MSN: variants seen among roughly 807,000 people sequenced by gnomAD.
MSN encodes moesin.
A neutral mutation model predicts 48.0 loss-of-function variants in MSN; 2 were observed. The observed-to-expected ratio is 0.04, with a 90% CI of 0.02 to 0.13. The LOEUF (loss-of-function observed/expected upper bound fraction) is 0.13, where lower values mean the gene tolerates loss of function less well. Ranked by LOEUF, MSN falls within the 10% of genes least tolerant of loss-of-function variation. MSN has a pLI of 1.00. For synonymous variants in MSN, 146 were observed against 166.9 expected, an observed-to-expected ratio of 0.87 and a Z score of 0.97; for missense variants, 267 against 470.1, an observed-to-expected ratio of 0.57 and a Z score of 3.99.
At chrX:65,621,265 C>T (rs1453645163) in intron 1 of MSN, among the ~76,000 whole-genome samples, 2 of 111,680 alleles carry the variant, frequency 1.8e-5, no homozygotes, top group Non-Finnish European at 1.9e-5. Context: ...AAGGTTGATA[C>T]ATTTTGACTT....
chrX:65,630,955 G>A (rs1371908176), intron 1 of MSN, among the ~76,000 whole-genome samples: 1 of 111,261 alleles, frequency 9.0e-6, no homozygotes, highest in Admixed American at 9.6e-5. Context: ...ATAAAATCTT[G>A]CATAACTATT....
intron 1 of MSN, chrX:65,716,396 C>T (rs1312822431): frequency 5.2e-6 from 1 of 192,264 alleles, no homozygotes; most frequent in African/African-American, 3.0e-5. Context: ...ATACCCCAGC[C>T]TCCCAAGTAG....
In MSN at chrX:65,737,182, G is replaced by A. The variant is rs1377591899; in HGVS notation, c.1095G>A (p.Leu365=). 9 of 1,202,516 alleles carry A rather than the reference G, an allele frequency of 7.5e-6. No homozygotes were observed. The Admixed American group carries it at 8.9e-5, about 12-fold the overall frequency. ...EEQTKKAQQE[L]EEQTRRALEL... ...CTCCCCTCCTTTTCTGCTCAGAACT[G>A]GAAGAACAGACCCGTAGGGCTCTGG... is the stretch of plus-strand genomic sequence containing the variant. Residue 365 remains leucine, a synonymous_variant, in exon 10 of 13, where the codon CTG becomes CTA. Coordinates refer to ENST00000360270, the MANE Select transcript of MSN (RefSeq NM_002444.3).
chrX:65,639,408 G>C (rs2070631217), intron 1 of MSN, among the ~76,000 whole-genome samples: 1 of 112,350 alleles, frequency 8.9e-6, no homozygotes, highest in African/African-American at 3.2e-5. Flanking sequence ...GCCTCCCAAA[G>C]TGCTGGGATT....
At chrX:65,629,862 C>T (rs1569456105) in intron 1 of MSN, among the ~76,000 whole-genome samples, 1 of 111,741 alleles carries the variant, frequency 8.9e-6, no homozygotes, top group Non-Finnish European at 1.9e-5. Flanking sequence ...CAAACCATAT[C>T]ACCATGGAAT....
chrX:65,703,903 C>T (rs755612998), intron 1 of MSN, among the ~76,000 whole-genome samples: 25 of 111,932 alleles, frequency 2.2e-4, no homozygotes, highest in African/African-American at 7.1e-4. Flanking sequence ...GGGCCAGAAG[C>T]GTCCCCCTGC....
In MSN at chrX:65,741,292, T is replaced by C. The variant is rs1367586175; in HGVS notation, c.*1399T>C. Reference sequence around the variant, plus strand: ...CTCTTCTTCTTTCTACAGTATTATGTACTCTACTGATATCTAAATATTGAT... The same window carrying C: ...CTCTTCTTCTTTCTACAGTATTATGCACTCTACTGATATCTAAATATTGAT... On this transcript the variant is annotated 3_prime_UTR_variant, in exon 13 of 13. Transcript: ENST00000360270. 1 of 166,215 alleles carries C rather than the reference T, an allele frequency of 6.0e-6. No individual in the cohort carries two copies. The highest frequency in any genetic ancestry group is 8.1e-5 in the Admixed American group (1 of 12,286). The allele number at this position is 166,215 out of a possible 1,213,427, so 13.7% of individuals were successfully genotyped here. A position where few individuals can be genotyped will look rare whatever the true frequency, so the allele number is the denominator to read the frequency against.
At chrX:65,685,835 C>T (rs2071109832) in intron 1 of MSN, among the ~76,000 whole-genome samples, 1 of 112,544 alleles carries the variant, frequency 8.9e-6, no homozygotes, top group South Asian at 3.7e-4. Context: ...ATCTTCCTGC[C>T]TTGACCTCCC....
chrX:65,699,488 G>C (rs1346643911), intron 1 of MSN, among the ~76,000 whole-genome samples: 1 of 111,983 alleles, frequency 8.9e-6, no homozygotes, highest in Non-Finnish European at 1.9e-5. Context: ...GGTGGCTCAC[G>C]CCTGTAATCC....
intron 1 of MSN, among the ~76,000 whole-genome samples, chrX:65,617,590 T>C (rs1364794078): frequency 1.9e-5 from 2 of 105,427 alleles, no homozygotes; most frequent in African/African-American, 7.4e-5. Context: ...ATTTGATTCT[T>C]CTCTCTTTTT....
rs1488297130 is a variant in MSN, at chrX:65,741,420, A to G, written c.*1527A>G. ...CCCCCACACCTGGAAAGCATATACTATATTACAAAATGACATTTTGCCAAA... is the reference window on the plus strand; with the variant it reads ...CCCCCACACCTGGAAAGCATATACTGTATTACAAAATGACATTTTGCCAAA... On this transcript the variant is annotated 3_prime_UTR_variant, in exon 13 of 13. Transcript: ENST00000360270. 1.8e-5 allele frequency: 3 copies of G among 167,774 alleles called. No homozygotes were observed. Among genetic ancestry groups the G allele is most frequent in the African/African-American group, 9.0e-5 (3 of 33,467 alleles). The allele number at this position is 167,774 out of a possible 1,213,427, so 13.8% of individuals were successfully genotyped here. A position where few individuals can be genotyped will look rare whatever the true frequency, so the allele number is the denominator to read the frequency against.
intron 1 of MSN, among the ~76,000 whole-genome samples, chrX:65,641,609 T>G: frequency 1.4e-5 from 1 of 70,368 alleles, no homozygotes; most frequent in African/African-American, 5.5e-5. Context: ...TATTTTAGCA[T>G]ATTGACAGAG....
At chrX:65,696,284 T>A (rs763138004) in intron 1 of MSN, among the ~76,000 whole-genome samples, 1 of 110,942 alleles carries the variant, frequency 9.0e-6, no homozygotes, top group South Asian at 3.7e-4. Context: ...CGATCCATAT[T>A]GGGTGTCTGA....
chrX:65,626,077 C>G (rs1437908071), intron 1 of MSN, among the ~76,000 whole-genome samples: 2 of 109,159 alleles, frequency 1.8e-5, no homozygotes. Context: ...GCCTCAGCCT[C>G]CCCAGTAGCT....
intron 1 of MSN, among the ~76,000 whole-genome samples, chrX:65,695,439 G>A: frequency 1.0e-5 from 1 of 100,189 alleles, no homozygotes; most frequent in South Asian, 4.7e-4. Context: ...GGTGGAAGTT[G>A]CAGTTAGCCG....
chrX:65,700,473 A>T (rs896286724), intron 1 of MSN, among the ~76,000 whole-genome samples: 10 of 111,519 alleles, frequency 9.0e-5, no homozygotes, highest in Non-Finnish European at 1.7e-4. Flanking sequence ...TCAGTCCTGA[A>T]CTCTTTATCC....
intron 1 of MSN, among the ~76,000 whole-genome samples, chrX:65,704,376 C>G (rs984727853): frequency 7.1e-5 from 8 of 112,277 alleles, no homozygotes; most frequent in Admixed American, 5.6e-4. Flanking sequence ...CTTCCTCTTT[C>G]TCTGCTCTGT....
chrX:65,590,641 G>A (rs1398193145), intron 1 of MSN, among the ~76,000 whole-genome samples: 3 of 111,612 alleles, frequency 2.7e-5, no homozygotes, highest in Non-Finnish European at 5.7e-5. Flanking sequence ...GAGAGGTGGG[G>A]ATGCTGGCAG....
In MSN at chrX:65,693,792, G is replaced by A. The variant is rs12008606; in HGVS notation, c.13-23026G>A. Among the ~76,000 whole-genome samples, 426 of 112,118 alleles carry A rather than the reference G, an allele frequency of 3.8e-3. 2 individuals carry two copies. Among genetic ancestry groups the A allele is most frequent in the African/African-American group, 0.013 (398 of 30,853 alleles). The stretch of plus-strand genomic sequence containing the variant: ...TAGTGGGCCGGGCGCAGTGGCTCAC[G>A]CCTGTAATCCCAGCACTTTGGGAGG... On this transcript the variant is annotated intron_variant, in intron 1 of 12. Transcript: ENST00000360270.
Sources: allele counts gnomAD v4.1 joint callset (sites outside exome capture counted in the v4.1 genomes callset), GRCh38; gene constraint gnomAD v4.1.1; transcripts MANE v1.5; gene names NCBI Gene and HGNC (gene_info 2026-07-23, HGNC 2026-07-21).